The following LRRC27 variants were observed in gnomAD, a reference collection of about 807,000 sequenced individuals.
The protein encoded by LRRC27 is leucine rich repeat containing 27, also known as leucine-rich repeat-containing protein 27.
Under a neutral mutation model 55.0 loss-of-function variants are expected in LRRC27, and 57 were observed. The observed-to-expected ratio is 1.04, with a 90% CI of 0.84 to 1.29. The LOEUF (loss-of-function observed/expected upper bound fraction) is 1.29, where lower values mean the gene tolerates loss of function less well. Ranked by LOEUF, LRRC27 falls within the 50% of genes most tolerant of loss-of-function variation. The pLI is 0.00. For missense variants in LRRC27, 721 were observed against 651.5 expected (o/e 1.11, Z -1.16); for synonymous variants, 278 against 251.9 (o/e 1.10, Z -0.98).
At chr10:132,351,457 T>C (rs998461305) in intron 6 of LRRC27, 150 bp from the exon 7 acceptor site, 10 of 852,858 alleles carry the variant, frequency 1.2e-5, no homozygotes, top group Non-Finnish European at 1.9e-5. Flanking sequence ...CAGTCAAGAC[T>C]GGACTCTGGG....
At chr10:132,333,428 G>T in intron 1 of LRRC27, 49 bp from the exon 2 acceptor site, 2 of 795,184 alleles carry the variant, frequency 2.5e-6, no homozygotes, top group Non-Finnish European at 3.7e-6. Flanking sequence ...ATTCTGTTTT[G>T]CCTCGGTATA....
In LRRC27 at chr10:132,355,279, G is replaced by A. The variant is rs1297601267; in HGVS notation, c.1074-511G>A. ...TTTAGTAGAGATGGGGTTTCACTGCGTTAGCCAGGATGGTCTCGATCTCCT... is the reference window on the plus strand; with the variant it reads ...TTTAGTAGAGATGGGGTTTCACTGCATTAGCCAGGATGGTCTCGATCTCCT... On this transcript the variant is annotated intron_variant, in intron 7 of 10. Coordinates refer to ENST00000368614, the MANE Select transcript of LRRC27 (RefSeq NM_030626.3). Among the ~76,000 whole-genome samples, 9 of 152,266 alleles carry A rather than the reference G, an allele frequency of 5.9e-5. No individual in the cohort carries two copies. In the South Asian group the frequency reaches 1.5e-3, roughly 25 times the overall value.
intron 2 of LRRC27, among the ~76,000 whole-genome samples, chr10:132,335,482 G>T (rs201040217): frequency 3.3e-5 from 5 of 151,732 alleles, no homozygotes; most frequent in Non-Finnish European, 7.4e-5. Context: ...CTATGGGGGG[G>T]GGTCACAGTC....
intron 2 of LRRC27, chr10:132,337,273 C>T: frequency 8.2e-7 from 1 of 1,216,822 alleles, no homozygotes; most frequent in Non-Finnish European, 1.0e-6. Context: ...CAGACCATGT[C>T]AAAGGCTTTG....
chr10:132,330,395 C>T (rs553074658), upstream of LRRC27: 5 of 715,420 alleles, frequency 7.0e-6, no homozygotes, highest in African/African-American at 1.7e-5. Flanking sequence ...CTCACGGCAA[C>T]ACCCATGTCA....
chr10:132,331,991 C>T, upstream of LRRC27: 1 of 455,426 alleles, frequency 2.2e-6, no homozygotes, highest in Non-Finnish European at 3.8e-6. Flanking sequence ...GCAGGCGCAC[C>T]ACACCCGACC....
upstream of LRRC27, chr10:132,330,176 G>A (rs1236054500): frequency 2.3e-6 from 1 of 443,356 alleles, no homozygotes. Context: ...CACAGTAAAG[G>A]GCAAAACATG....
At chr10:132,365,304 C>T (rs1255814886) in intron 9 of LRRC27, 120 bp from the exon 10 acceptor site, 3 of 1,367,520 alleles carry the variant, frequency 2.2e-6, no homozygotes, top group Non-Finnish European at 3.1e-6. Flanking sequence ...GTGCGGGAGC[C>T]TCAGGACCGC....
At position 132,348,560 on chromosome 10, in the gene LRRC27, T is replaced by G. The variant is rs1319269692; in HGVS notation, c.926+204T>G. Among the ~76,000 whole-genome samples the G allele has an allele frequency of 6.6e-6, 1 of 152,172 alleles. No homozygotes were observed. Among genetic ancestry groups the G allele is most frequent in the Non-Finnish European group, 1.5e-5 (1 of 68,034 alleles). On this transcript the variant is annotated intron_variant, in intron 6 of 10. Transcript: ENST00000368614. This position sits in a 1 kb window ranked among gnomAD's most constrained non-coding sequence, Gnocchi z 4.2. ...GCATCTGCGGCAGAGCTCAGTCCAT[T>G]CAGAGGCTGAGTTTGCCAAGGTTGA...
chr10:132,333,654 T>C lies in LRRC27; in HGVS notation c.130T>C (p.Phe44Leu). The C allele has an allele frequency of 6.2e-7, 1 of 1,613,596 alleles. No homozygotes were observed. Among genetic ancestry groups the C allele is most frequent in the Non-Finnish European group, 8.5e-7 (1 of 1,180,010 alleles). ...DVHKGVGGII[F>L]SSSPILDLSE... is the part of the protein sequence containing the mutation. ...TCACAAGGGTGTTGGAGGCATCATC[T>C]TTTCCTCCTCACCGATTTTAGACTT... Residue 44 changes from phenylalanine (F) to leucine (L), a missense_variant, in exon 2 of 11, where the codon TTT becomes CTT. By Grantham distance (22) the Phe-to-Leu change is conservative. Transcript: ENST00000368614.
intron 2 of LRRC27, among the ~76,000 whole-genome samples, chr10:132,335,847 T>A (rs1297619892): frequency 6.6e-6 from 1 of 152,210 alleles, no homozygotes; most frequent in Non-Finnish European, 1.5e-5. Context: ...GGCAGGCTGA[T>A]AAGAACGGAC....
chr10:132,357,981 C>T (rs1380590244), intron 8 of LRRC27, among the ~76,000 whole-genome samples: 3 of 152,348 alleles, frequency 2.0e-5, no homozygotes, highest in Admixed American at 6.5e-5. Context: ...GAGAGGCCTG[C>T]TGCTTCCCTG....
intron 2 of LRRC27, chr10:132,337,256 C>T (rs1037056473): frequency 1.2e-5 from 14 of 1,186,572 alleles, no homozygotes; most frequent in African/African-American, 3.2e-5. Context: ...TGTGGGGCCC[C>T]GGAATTCAGA....
Position 132,376,986 on chromosome 10 carries a change from TC to T in LRRC27, c.*1746del, listed in dbSNP as rs1263417356. 2 of 152,250 alleles carry T rather than the reference TC, an allele frequency of 1.3e-5. No homozygotes were observed. Among genetic ancestry groups the T allele is most frequent in the Non-Finnish European group, 1.5e-5 (1 of 68,042 alleles). 9.4% of individuals were successfully genotyped at this position (152,250 alleles called of 1,614,324 possible). A position where few individuals can be genotyped will look rare whatever the true frequency, so the allele number is the denominator to read the frequency against. On this transcript the variant is annotated 3_prime_UTR_variant, in exon 11 of 11. Coordinates refer to ENST00000368614, the MANE Select transcript of LRRC27 (RefSeq NM_030626.3). Reference sequence around the variant, plus strand: ...CTACAAATTTAGGATTGTTTTATCTTCCTGTCGAACTGACCTTGTCATTATT... The same window carrying T: ...CTACAAATTTAGGATTGTTTTATCTTCTGTCGAACTGACCTTGTCATTATT...
At chr10:132,360,389 C>T (rs962291917) in intron 8 of LRRC27, among the ~76,000 whole-genome samples, 7 of 152,218 alleles carry the variant, frequency 4.6e-5, no homozygotes, top group African/African-American at 1.7e-4. Context: ...AGCCACTGCG[C>T]CCGGCCAGGA....
In LRRC27 at chr10:132,365,464, C is replaced by G; in HGVS notation, c.1330C>G (p.His444Asp). The G allele has an allele frequency of 1.2e-6, 2 of 1,613,724 alleles. No homozygotes were observed. The highest frequency in any genetic ancestry group is 1.7e-6 in the Non-Finnish European group (2 of 1,179,974). Reference sequence around the variant, plus strand: ...AAATTTAGAAGAGAAGATAAAACAGCACGTCCTCCAAATGCGTGAGCAAAG... The same window carrying G: ...AAATTTAGAAGAGAAGATAAAACAGGACGTCCTCCAAATGCGTGAGCAAAG... ...ERNLEEKIKQ[H>D]VLQMREQRRF... is the part of the protein sequence containing the mutation. Residue 444 changes from histidine to aspartate, a missense_variant, in exon 10 of 11, where the codon CAC becomes GAC. Physicochemically the swap from His to Asp is moderately conservative, Grantham distance 81 (BLOSUM62 -1). Coordinates refer to ENST00000368614, the MANE Select transcript of LRRC27 (RefSeq NM_030626.3).
intron 1 of LRRC27, 159 bp downstream of exon 1, chr10:132,332,415 C>T (rs974666098): frequency 1.3e-5 from 2 of 152,250 alleles, no homozygotes; most frequent in African/African-American, 2.4e-5. Context: ...CCCAGAGCGT[C>T]GGACCCAACT....
upstream of LRRC27, chr10:132,331,549 A>G: frequency 6.2e-7 from 1 of 1,612,932 alleles, no homozygotes; most frequent in Non-Finnish European, 8.5e-7. Flanking sequence ...ATTTGGGGAC[A>G]AGCAGCTCCT....
At chr10:132,332,947 C>T (rs1216634831) in intron 1 of LRRC27, among the ~76,000 whole-genome samples, 2 of 152,266 alleles carry the variant, frequency 1.3e-5, no homozygotes, top group African/African-American at 4.8e-5. Flanking sequence ...TGCTGGACAA[C>T]GAAAATTCGA....
Sources: allele counts gnomAD v4.1 joint callset (sites outside exome capture counted in the v4.1 genomes callset), GRCh38; gene constraint gnomAD v4.1.1; non-coding constraint Gnocchi (gnomAD v3.1); transcripts MANE v1.5; gene names NCBI Gene and HGNC (gene_info 2026-07-23, HGNC 2026-07-21).